HEATR5A: variants seen among roughly 807,000 people sequenced by gnomAD.
HEATR5A encodes the protein HEAT repeat containing 5A.
In HEATR5A, 178 loss-of-function variants were observed where a neutral mutation model predicts 218.8. That is an observed-to-expected ratio of 0.81 (90% CI 0.72 to 0.92). HEATR5A has a LOEUF of 0.92. Ranked by LOEUF, HEATR5A falls within the 40% of genes least tolerant of loss-of-function variation. HEATR5A has a pLI of 0.00. For synonymous variants in HEATR5A, 864 were observed against 871.6 expected, an observed-to-expected ratio of 0.99 and a Z score of 0.15; for missense variants, 2,420 against 2,418.9, an observed-to-expected ratio of 1.00 and a Z score of -0.01.
chr14:31,402,287 G>C (rs367861660), intron 2 of HEATR5A, among the ~76,000 whole-genome samples: 237 of 152,306 alleles, frequency 1.6e-3, no homozygotes, highest in African/African-American at 4.5e-3. Context: ...TAGGCTAAAA[G>C]TAAAGTGCCA....
rs758226908 is a variant in HEATR5A, at chr14:31,313,039, CAG to C, written c.4368_4369del (p.Trp1457AlafsTer23). The C allele has an allele frequency of 6.2e-7, 1 of 1,613,938 alleles. No homozygotes were observed. The highest frequency in any genetic ancestry group is 1.7e-5 in the Admixed American group (1 of 60,010). Reference sequence around the variant, plus strand: ...AGCAAAATCCTGAAGTGCAGCAAGCCAGAGTCTGCTTAGTGTGCCAAGATCTG... The same window carrying C: ...AGCAAAATCCTGAAGTGCAGCAAGCCAGTCTGCTTAGTGTGCCAAGATCTG... On this transcript the variant is annotated frameshift_variant, in exon 28 of 36. Coordinates refer to ENST00000543095, the MANE Select transcript of HEATR5A (RefSeq NM_015473.4). LOFTEE classifies it high-confidence loss of function.
rs372244695 is a variant in HEATR5A at position 31,315,912 on chromosome 14, T to C, written c.4076A>G (p.Asp1359Gly). Residue 1359 changes from aspartate to glycine, a missense_variant, in exon 27 of 36, where the codon GAC (aspartate) becomes GGC (glycine). Physicochemically the swap from Asp to Gly is moderately conservative, Grantham distance 94 (BLOSUM62 -1). Transcript: ENST00000543095. ...ATGAACTCTTCGGAGATCATTAAGG[T>C]CACTTACAACTCCACTTGCTATCCA... Reference protein sequence around the residue: ...SAWIASGVVSDLNDLRRVHQL... With the variant: ...SAWIASGVVSGLNDLRRVHQL... 6.4e-7 allele frequency: 1 copy of C among 1,574,744 alleles called. No individual in the cohort carries two copies. The highest frequency in any genetic ancestry group is 1.3e-5 in the African/African-American group (1 of 74,176).
At chr14:31,375,004 C>A (rs1387634404) in intron 11 of HEATR5A, 36 bp from the exon 12 acceptor site, 4 of 1,541,586 alleles carry the variant, frequency 2.6e-6, no homozygotes, top group Non-Finnish European at 3.5e-6. Flanking sequence ...GTAAGAGAAT[C>A]CAAGGTTGTC....
intron 3 of HEATR5A, among the ~76,000 whole-genome samples, chr14:31,399,263 A>C: frequency 6.6e-6 from 1 of 152,236 alleles, no homozygotes; most frequent in South Asian, 2.1e-4. Flanking sequence ...CACGACACTT[A>C]GGTGAATATG....
intron 6 of HEATR5A, among the ~76,000 whole-genome samples, chr14:31,389,314 A>G (rs1034054812): frequency 2.0e-5 from 3 of 152,132 alleles, no homozygotes; most frequent in African/African-American, 7.2e-5. Context: ...CATAAATAAG[A>G]CTGCCCTAGT....
chr14:31,301,394 T>TAC (rs1253844761), intron 33 of HEATR5A, among the ~76,000 whole-genome samples: 2 of 152,150 alleles, frequency 1.3e-5, no homozygotes, highest in Non-Finnish European at 2.9e-5. Context: ...TAGCTAGGAT[T>TAC]ACAGGTGTGA....
chr14:31,410,986 A>C (rs1466437909), intron 1 of HEATR5A, among the ~76,000 whole-genome samples: 1 of 152,200 alleles, frequency 6.6e-6, no homozygotes, highest in Non-Finnish European at 1.5e-5. Context: ...ATAATGATTT[A>C]AGCTCAATAG....
In HEATR5A at chr14:31,395,497, A is replaced by T. The variant is rs535032784; in HGVS notation, c.448-149T>A. 9.3e-6 allele frequency: 4 copies of T among 428,930 alleles called. No homozygotes were observed. In the East Asian group the frequency reaches 1.3e-4, roughly 14 times the overall value. The allele number at this position is 428,930 out of a possible 1,614,324, so 26.6% of individuals were successfully genotyped here. ...TTATGACATCAAGAAACAAGTTACT[A>T]TTTTATGAAATATTATTTGAAAAGT... On this transcript the variant is annotated intron_variant, in intron 4 of 35. Transcript: ENST00000543095.
chr14:31,353,136 C>T (rs1901291446), intron 16 of HEATR5A, among the ~76,000 whole-genome samples: 2 of 151,878 alleles, frequency 1.3e-5, no homozygotes, highest in Non-Finnish European at 2.9e-5. Flanking sequence ...AATCCCACCA[C>T]CTACAAAGAG....
chr14:31,348,424 A>T (rs991107966), intron 18 of HEATR5A, among the ~76,000 whole-genome samples: 1 of 151,842 alleles, frequency 6.6e-6, no homozygotes, highest in Non-Finnish European at 1.5e-5. Context: ...AAAAAAAAAA[A>T]TTGTTTTAAT....
chr14:31,319,273 C>A (rs907452398), intron 25 of HEATR5A, among the ~76,000 whole-genome samples: 1 of 152,064 alleles, frequency 6.6e-6, no homozygotes, highest in African/African-American at 2.4e-5. Context: ...CTGCCTCAGC[C>A]TCCGGAGTAG....
At chr14:31,380,363 C>A in intron 11 of HEATR5A, 104 bp downstream of exon 11, 1 of 670,440 alleles carries the variant, frequency 1.5e-6, no homozygotes, top group Non-Finnish European at 2.5e-6. Context: ...TATTTAAATT[C>A]TGGTATGTAT....
chr14:31,309,852 A>G (rs143888249), intron 28 of HEATR5A, among the ~76,000 whole-genome samples: 28 of 151,958 alleles, frequency 1.8e-4, no homozygotes, highest in African/African-American at 6.5e-4. Flanking sequence ...ACAGGTGTGC[A>G]CCACCACGCC....
rs544043330 is a variant in HEATR5A at position 31,315,004 on chromosome 14, C to T, written c.4218+766G>A. ...CCTGGCCAACACGATGAAACCCCAT[C>T]TCTACTAAAAATACAAAACTTAGCT... On this transcript the variant is annotated intron_variant, in intron 27 of 35. Transcript: ENST00000543095. Among the ~76,000 whole-genome samples the T allele has an allele frequency of 8.5e-5, 13 of 152,206 alleles. No individual in the cohort carries two copies. The South Asian group carries it at 2.7e-3, about 32-fold the overall frequency.
intron 22 of HEATR5A, among the ~76,000 whole-genome samples, chr14:31,326,986 TC>T (rs1900290013): frequency 6.6e-6 from 1 of 151,554 alleles, no homozygotes; most frequent in Non-Finnish European, 1.5e-5. Context: ...TTTTTTTTTT[TC>T]CTTTTGAGAC....
Position 31,323,688 on chromosome 14 carries a change from G to C in HEATR5A, c.3664C>G (p.Arg1222Gly). The change falls in exon 24 of 36, where the codon CGA (arginine) becomes GGA (glycine). Residue 1222 changes from arginine (R) to glycine (G), a missense_variant. By Grantham distance (125) the Arg-to-Gly change is moderately radical. Transcript: ENST00000543095. ...GCAGCAAAGACTCTAGTAGCCCATC[G>C]GGGATTGGTAAAAGGATGGGATTTT... ...DEKSHPFTNP[R>G]WATRVFAAEC... 1.2e-6 allele frequency: 2 copies of C among 1,613,668 alleles called. No homozygotes were observed. The highest frequency in any genetic ancestry group is 1.7e-6 in the Non-Finnish European group (2 of 1,179,772).
At position 31,358,832 on chromosome 14, in the gene HEATR5A, T is replaced by C. The variant is rs28757677; in HGVS notation, c.2236-20A>G. On this transcript the variant is annotated intron_variant, in intron 15 of 35. Transcript: ENST00000543095. ...CAGGAGCTAAAAGGGAAAAAAAGTATATAAGGTTTTAAAATCACTGATCAC... is the reference window on the plus strand; with the variant it reads ...CAGGAGCTAAAAGGGAAAAAAAGTACATAAGGTTTTAAAATCACTGATCAC... The C allele has an allele frequency of 4.1e-4, 666 of 1,611,492 alleles. 3 individuals are homozygous for C. The African/African-American group carries it at 7.6e-3, about 18-fold the overall frequency.
At chr14:31,354,634 G>C (rs1223367953) in intron 16 of HEATR5A, among the ~76,000 whole-genome samples, 1 of 152,084 alleles carries the variant, frequency 6.6e-6, no homozygotes, top group East Asian at 1.9e-4. Context: ...GAAATGATAG[G>C]TACTAAAAGT....
chr14:31,408,821 T>C (rs1475658119), intron 1 of HEATR5A, among the ~76,000 whole-genome samples: 1 of 150,692 alleles, frequency 6.6e-6, no homozygotes, highest in African/African-American at 2.4e-5. Context: ...TTCTTTTCTT[T>C]CCTTTTTTAT....
Sources: gnomAD v4.1 joint callset for allele counts (sites outside exome capture counted in the v4.1 genomes callset) on GRCh38, gnomAD v4.1.1 for gene constraint, MANE v1.5 for transcripts, NCBI Gene and HGNC (gene_info 2026-07-23, HGNC 2026-07-21) for gene names.